C17orf107: variants seen among roughly 807,000 people sequenced by gnomAD.
C17orf107 encodes the protein uncharacterized protein C17orf107.
C17orf107 carries 9 observed loss-of-function variants against 8.9 expected under a neutral mutation model. The ratio of observed to expected loss-of-function variants is 1.02; its 90% CI spans 0.61 to 1.77. The LOEUF (loss-of-function observed/expected upper bound fraction) is 1.77. Among genes scored for constraint, C17orf107 ranks in the 40% most tolerant of loss-of-function variants. C17orf107 has a pLI of 0.00. For synonymous variants in C17orf107, 139 were observed against 120.3 expected, an observed-to-expected ratio of 1.16 and a Z score of -1.02; for missense variants, 281 against 249.0, an observed-to-expected ratio of 1.13 and a Z score of -0.86.
chr17:4,900,231 A>T lies in C17orf107; in HGVS notation c.277-6A>T, dbSNP rs372493915. On this transcript the variant is annotated splice_region_variant and splice_polypyrimidine_tract_variant and intron_variant, in intron 2 of 2. Transcript: ENST00000381365. ...CTCCCCGCTAACCCCTGTGCCCCCA[A>T]TGCAGATCTCAGCCCTGTGGCTGCA... 6.5e-7 allele frequency: 1 copy of T among 1,547,370 alleles called. No individual in the cohort carries two copies. Among genetic ancestry groups the T allele is most frequent in the Non-Finnish European group, 8.7e-7 (1 of 1,146,150 alleles).
rs770784393 is a variant in C17orf107, at chr17:4,901,915, G to A, written c.*1382G>A. On this transcript the variant is annotated 3_prime_UTR_variant, in exon 3 of 3. Transcript: ENST00000381365. Reference sequence around the variant, plus strand: ...CCCCAACAATAATCGTCCGGGCCTCGGAGTAGCTCTTCCCACCGGAAAATA... The same window carrying A: ...CCCCAACAATAATCGTCCGGGCCTCAGAGTAGCTCTTCCCACCGGAAAATA... The A allele has an allele frequency of 7.5e-6, 12 of 1,601,308 alleles. No homozygotes were observed. Among genetic ancestry groups the A allele is most frequent in the Middle Eastern group, 1.7e-4 (1 of 5,774 alleles).
rs769616672 is a variant in C17orf107, at chr17:4,901,890, C to G, written c.*1357C>G. On this transcript the variant is annotated 3_prime_UTR_variant, in exon 3 of 3. Coordinates refer to ENST00000381365, the MANE Select transcript of C17orf107 (RefSeq NM_001145536.2). ...GTTGGCCCCGCCCCATAAGGCCCCC[C>G]CCCAACAATAATCGTCCGGGCCTCG... is the stretch of plus-strand genomic sequence containing the variant. The G allele has an allele frequency of 6.9e-6, 11 of 1,605,440 alleles. 1 individual carries two copies. The highest frequency in any genetic ancestry group is 9.4e-6 in the Non-Finnish European group (11 of 1,174,016).
rs1194698210 is a variant in C17orf107, at chr17:4,901,472, C to A, written c.*939C>A. 6.5e-7 allele frequency: 1 copy of A among 1,548,206 alleles called. No individual in the cohort carries two copies. The highest frequency in any genetic ancestry group is 1.4e-5 in the African/African-American group (1 of 73,624). Reference sequence around the variant, plus strand: ...CGGGGCAAGCCCACCGTGGAAGTCCCCTCTCTGGACCCCGTCTAGAAGCGG... The same window carrying A: ...CGGGGCAAGCCCACCGTGGAAGTCCACTCTCTGGACCCCGTCTAGAAGCGG... On this transcript the variant is annotated 3_prime_UTR_variant, in exon 3 of 3. Transcript: ENST00000381365.
Position 4,901,269 on chromosome 17 carries a change from C to T in C17orf107, c.*736C>T, listed in dbSNP as rs1261073753. 17 of 1,492,928 alleles carry T rather than the reference C, an allele frequency of 1.1e-5. No homozygotes were observed. Among genetic ancestry groups the T allele is most frequent in the Non-Finnish European group, 1.5e-5 (16 of 1,093,348 alleles). 92.5% of individuals were successfully genotyped at this position (1,492,928 alleles called of 1,614,324 possible). A position where few individuals can be genotyped will look rare whatever the true frequency, so the allele number is the denominator to read the frequency against. On this transcript the variant is annotated 3_prime_UTR_variant, in exon 3 of 3. Coordinates refer to ENST00000381365, the MANE Select transcript of C17orf107 (RefSeq NM_001145536.2). ...TGACAGCGGGCTGAAGAGGAGGCTG[C>T]GGCTGTCTGCACCAGGGTCATGGGC...
At chr17:4,900,208 C>T (rs1272271645) in intron 2 of C17orf107, 29 bp from the exon 3 acceptor site, 3 of 1,543,156 alleles carry the variant, frequency 1.9e-6, no homozygotes. Context: ...ACCTCTGCCT[C>T]CCCGCTAACC....
chr17:4,900,249 T>A lies in C17orf107; in HGVS notation c.289T>A (p.Trp97Arg). 2 of 1,547,254 alleles carry A rather than the reference T, an allele frequency of 1.3e-6. No homozygotes were observed. The highest frequency in any genetic ancestry group is 1.7e-6 in the Non-Finnish European group (2 of 1,146,584). ...GCCCCCAATGCAGATCTCAGCCCTGTGGCTGCAGCAGGAGGCGCGGCGACT... is the reference window on the plus strand; with the variant it reads ...GCCCCCAATGCAGATCTCAGCCCTGAGGCTGCAGCAGGAGGCGCGGCGACT... ...GTTLLEISAL[W>R]LQQEARRLDG... The change falls in exon 3 of 3, where the codon TGG becomes AGG. Residue 97 changes from tryptophan (W) to arginine (R), a missense_variant. By Grantham distance (101) the Trp-to-Arg change is moderately radical. Transcript: ENST00000381365.
chr17:4,902,840 G>A lies in C17orf107; in HGVS notation c.*2307G>A. 1 of 1,604,380 alleles carries A rather than the reference G, an allele frequency of 6.2e-7. No homozygotes were observed. The highest frequency in any genetic ancestry group is 1.7e-5 in the Admixed American group (1 of 59,990). ...CCTCTCTCCCCTCTGCCTCCCCTGGGTCCTCACAGGCCTCTGAGGCTGTGT... is the reference window on the plus strand; with the variant it reads ...CCTCTCTCCCCTCTGCCTCCCCTGGATCCTCACAGGCCTCTGAGGCTGTGT... On this transcript the variant is annotated 3_prime_UTR_variant, in exon 3 of 3. Transcript: ENST00000381365. The surrounding 1 kb of genome is among the most constrained non-coding windows in gnomAD (Gnocchi z 4.0).
downstream of C17orf107, among the ~76,000 whole-genome samples, chr17:4,904,276 G>T (rs768822057): frequency 6.6e-6 from 1 of 151,370 alleles, no homozygotes; most frequent in African/African-American, 2.4e-5. Context: ...AGTTCACTGC[G>T]GCTCTCAAAC....
Position 4,902,277 on chromosome 17 carries a change from A to G in C17orf107, c.*1744A>G, listed in dbSNP as rs761907094. 6.2e-6 allele frequency: 10 copies of G among 1,614,118 alleles called. No homozygotes were observed. The highest frequency in any genetic ancestry group is 8.5e-6 in the Non-Finnish European group (10 of 1,180,014). On this transcript the variant is annotated 3_prime_UTR_variant, in exon 3 of 3. Coordinates refer to ENST00000381365, the MANE Select transcript of C17orf107 (RefSeq NM_001145536.2). The surrounding 1 kb of genome is among the most constrained non-coding windows in gnomAD (Gnocchi z 4.0). ...TTCTGAAGGGACTCGCAGGGTTTCT[A>G]TACCCCCAAAGTCGTCCTTGCTGTA...
Position 4,900,911 on chromosome 17 carries a change from G to GAGGGAGAGCC in C17orf107, c.*381_*390dup, listed in dbSNP as rs767922649. On this transcript the variant is annotated 3_prime_UTR_variant, in exon 3 of 3. Transcript: ENST00000381365. ...ACCGTGCATTTCTGGCCGCCGGCTG[G>GAGGGAGAGCC]AGGGAGAGCCAGTGAGAGCGGGCCC... 22 of 1,614,024 alleles carry GAGGGAGAGCC rather than the reference G, an allele frequency of 1.4e-5. No individual in the cohort carries two copies. The Admixed American group carries it at 2.0e-4, about 15-fold the overall frequency.
At position 4,902,168 on chromosome 17, in the gene C17orf107, G is replaced by GCA. The variant is rs1567639819; in HGVS notation, c.*1637_*1638dup. 6.2e-7 allele frequency: 1 copy of GCA among 1,613,348 alleles called. No homozygotes were observed. Among genetic ancestry groups the GCA allele is most frequent in the South Asian group, 1.1e-5 (1 of 91,070 alleles). On this transcript the variant is annotated 3_prime_UTR_variant, in exon 3 of 3. Coordinates refer to ENST00000381365, the MANE Select transcript of C17orf107 (RefSeq NM_001145536.2). This position sits in a 1 kb window ranked among gnomAD's most constrained non-coding sequence, Gnocchi z 4.0. ...CCCCTTCCCCAACCAAGTCCAGCCCGCACCCCAGGCCGGCTTCCCTCCAGC... is the reference window on the plus strand; with the variant it reads ...CCCCTTCCCCAACCAAGTCCAGCCCGCACACCCCAGGCCGGCTTCCCTCCAGC...
Position 4,901,122 on chromosome 17 carries a change from C to G in C17orf107, c.*589C>G. ...TAGATGACGTCAGTCTCCCCTGGGC[C>G]GTCGGTGGCGCCACCGTGGTGGCGG... On this transcript the variant is annotated 3_prime_UTR_variant, in exon 3 of 3. Transcript: ENST00000381365. 2 of 1,612,778 alleles carry G rather than the reference C, an allele frequency of 1.2e-6. No individual in the cohort carries two copies. The highest frequency in any genetic ancestry group is 1.7e-6 in the Non-Finnish European group (2 of 1,179,928).
rs1309189989 is a variant in C17orf107, at chr17:4,900,444, G to A, written c.484G>A (p.Gly162Arg). ...ATGCCTGTGTGGACGGGGTCTGCAG[G>A]GGTCTGCCTCATTCCTGCGACAGTC... is the stretch of plus-strand genomic sequence containing the variant. Reference protein sequence around the residue: ...WLCLCGRGLQGSASFLRQSQQ... With the variant: ...WLCLCGRGLQRSASFLRQSQQ... Residue 162 changes from glycine to arginine, a missense_variant, in exon 3 of 3, where the codon GGG becomes AGG. By Grantham distance (125) the Gly-to-Arg change is moderately radical (BLOSUM62 -2). Transcript: ENST00000381365. 1.3e-6 allele frequency: 2 copies of A among 1,551,120 alleles called. No individual in the cohort carries two copies. Among genetic ancestry groups the A allele is most frequent in the East Asian group, 2.4e-5 (1 of 40,914 alleles).
At position 4,902,168 on chromosome 17, in the gene C17orf107, G is replaced by T. The variant is rs775810618; in HGVS notation, c.*1635G>T. 6.2e-7 allele frequency: 1 copy of T among 1,613,230 alleles called. No individual in the cohort carries two copies. ...CCCCTTCCCCAACCAAGTCCAGCCC[G>T]CACCCCAGGCCGGCTTCCCTCCAGC... On this transcript the variant is annotated 3_prime_UTR_variant, in exon 3 of 3. Coordinates refer to ENST00000381365, the MANE Select transcript of C17orf107 (RefSeq NM_001145536.2). The surrounding 1 kb of genome is among the most constrained non-coding windows in gnomAD (Gnocchi z 4.0).
In C17orf107 at chr17:4,900,647, A is replaced by C; in HGVS notation, c.*114A>C. 4.1e-6 allele frequency: 6 copies of C among 1,451,104 alleles called. No homozygotes were observed. The highest frequency in any genetic ancestry group is 5.6e-6 in the Non-Finnish European group (6 of 1,065,274). 89.9% of individuals were successfully genotyped at this position (1,451,104 alleles called of 1,614,324 possible). ...CAGTGAGGAGGACGGCGGACCAGGG[A>C]CTCCATCCCCGTACCAGCCCCACCC... On this transcript the variant is annotated 3_prime_UTR_variant, in exon 3 of 3. Coordinates refer to ENST00000381365, the MANE Select transcript of C17orf107 (RefSeq NM_001145536.2).
At chr17:4,899,902 G>A in intron 1 of C17orf107, 34 bp from the exon 2 acceptor site, 1 of 1,549,080 alleles carries the variant, frequency 6.5e-7, no homozygotes, top group Non-Finnish European at 8.7e-7. Flanking sequence ...TGTGACCCCT[G>A]CCCTGCTACT....
rs992960524 is a variant in C17orf107 at position 4,901,781 on chromosome 17, C to T, written c.*1248C>T. ...ACGCCTCTGTTCCCATCTGTACCTCCGGCCGCGCTGGAGCGTCCCACCCAG... is the reference window on the plus strand; with the variant it reads ...ACGCCTCTGTTCCCATCTGTACCTCTGGCCGCGCTGGAGCGTCCCACCCAG... On this transcript the variant is annotated 3_prime_UTR_variant, in exon 3 of 3. Transcript: ENST00000381365. 2.3e-6 allele frequency: 3 copies of T among 1,311,278 alleles called. No individual in the cohort carries two copies. Among genetic ancestry groups the T allele is most frequent in the East Asian group, 2.4e-5 (1 of 42,166 alleles). 81.2% of individuals were successfully genotyped at this position (1,311,278 alleles called of 1,614,324 possible).
Position 4,901,203 on chromosome 17 carries a change from G to A in C17orf107, c.*670G>A. 1 of 1,598,614 alleles carries A rather than the reference G, an allele frequency of 6.3e-7. No homozygotes were observed. The highest frequency in any genetic ancestry group is 8.5e-7 in the Non-Finnish European group (1 of 1,176,970). On this transcript the variant is annotated 3_prime_UTR_variant, in exon 3 of 3. Coordinates refer to ENST00000381365, the MANE Select transcript of C17orf107 (RefSeq NM_001145536.2). ...CACTCGCCGTTCTCTGCGGGACGGG[G>A]GCACGGTCAGCTGGCTGTCAGAGCG...
Position 4,900,375 on chromosome 17 carries a change from G to A in C17orf107, c.415G>A (p.Ala139Thr). Residue 139 changes from alanine (A) to threonine (T), a missense_variant, in exon 3 of 3, where the codon GCG becomes ACG. Coordinates refer to ENST00000381365, the MANE Select transcript of C17orf107 (RefSeq NM_001145536.2). ...GCAGGGGGTTCGGCAAGCTGGGGCT[G>A]CGGTGGGCGCCAGCGCCCGGCTCCT... Reference protein sequence around the residue: ...AGQGVRQAGAAVGASARLLVQ... With the variant: ...AGQGVRQAGATVGASARLLVQ... 17 of 1,549,614 alleles carry A rather than the reference G, an allele frequency of 1.1e-5. No individual in the cohort carries two copies. Among genetic ancestry groups the A allele is most frequent in the Non-Finnish European group, 1.5e-5 (17 of 1,146,614 alleles).
Sources: gnomAD v4.1 joint callset for allele counts (sites outside exome capture counted in the v4.1 genomes callset) on GRCh38, gnomAD v4.1.1 for gene constraint, Gnocchi (gnomAD v3.1) non-coding constraint, MANE v1.5 for transcripts, NCBI Gene and HGNC (gene_info 2026-07-23, HGNC 2026-07-21) for gene names.